The following KLF8 variants were observed in gnomAD, a reference collection of about 807,000 sequenced individuals.
The protein encoded by KLF8 is Krueppel-like factor 8.
In KLF8, 10 loss-of-function variants were observed where a neutral mutation model predicts 18.2. The observed-to-expected ratio is 0.55, with a 90% confidence interval of 0.34 to 0.93. KLF8 has a LOEUF of 0.93. Among genes scored for constraint, KLF8 ranks in the 40% least tolerant of loss-of-function variants. The probability of loss-of-function intolerance (pLI) is 0.02; values close to 1 mark genes in which losing one functional copy is unlikely to be tolerated. For synonymous variants in KLF8, 109 were observed against 97.3 expected (o/e 1.12, Z -0.71); for missense variants, 264 against 277.9 (o/e 0.95, Z 0.36).
the KLF8 span, among the ~76,000 whole-genome samples, chrX:56,186,211 G>T: frequency 9.0e-6 from 1 of 111,279 alleles, no homozygotes; most frequent in Non-Finnish European, 1.9e-5. Flanking sequence ...ACAGAAAAAG[G>T]CAGGGGTTGC....
At chrX:55,959,045 C>T in the KLF8 span, among the ~76,000 whole-genome samples, 1 of 112,101 alleles carries the variant, frequency 8.9e-6, no homozygotes, top group Non-Finnish European at 1.9e-5. Flanking sequence ...GACTGGGAAA[C>T]CCTGGCCCCA....
chrX:56,230,894 G>C (rs1045390039), upstream of KLF8, among the ~76,000 whole-genome samples: 4 of 111,188 alleles, frequency 3.6e-5, no homozygotes, highest in Non-Finnish European at 7.5e-5. Flanking sequence ...GGAAGCAATG[G>C]TCAGTTTTGC....
At chrX:56,123,699 C>T in the KLF8 span, among the ~76,000 whole-genome samples, 2 of 112,000 alleles carry the variant, frequency 1.8e-5, no homozygotes, top group African/African-American at 6.5e-5. Flanking sequence ...TGAAATCTAC[C>T]TAACTCTAAG....
the KLF8 span, among the ~76,000 whole-genome samples, chrX:56,161,204 G>T: frequency 2.7e-4 from 30 of 111,769 alleles, 2 homozygotes; most frequent in Non-Finnish European, 1.7e-4. Flanking sequence ...CTTTAAGAAT[G>T]CTGAATATTG....
intron 5 of KLF8, among the ~76,000 whole-genome samples, chrX:56,280,549 T>G (rs750484398): frequency 8.9e-6 from 1 of 112,339 alleles, no homozygotes; most frequent in Non-Finnish European, 1.9e-5. Context: ...TGTCTTGAGT[T>G]ATTTGTATTT....
the KLF8 span, among the ~76,000 whole-genome samples, chrX:56,096,345 G>A: frequency 1.8e-5 from 2 of 111,240 alleles, no homozygotes; most frequent in South Asian, 3.8e-4. Context: ...TGGGTAATAT[G>A]TACACTGTGG....
At chrX:55,915,369 A>G in the KLF8 span, among the ~76,000 whole-genome samples, 1 of 111,801 alleles carries the variant, frequency 8.9e-6, no homozygotes, top group Admixed American at 9.6e-5. Flanking sequence ...TATTGAACTA[A>G]CTAGTCAGTA....
the KLF8 span, among the ~76,000 whole-genome samples, chrX:56,077,979 C>G: frequency 1.7e-4 from 19 of 111,845 alleles, no homozygotes; most frequent in East Asian, 3.1e-3. Context: ...TGTGATTTTT[C>G]TACATTGCTT....
At chrX:56,260,670 A>T (rs1050844783) in intron 2 of KLF8, among the ~76,000 whole-genome samples, 3 of 111,927 alleles carry the variant, frequency 2.7e-5, no homozygotes, top group Non-Finnish European at 5.6e-5. Context: ...ACCCAAACAG[A>T]TAATGCTCTT....
the KLF8 span, among the ~76,000 whole-genome samples, chrX:56,083,105 T>C: frequency 8.9e-6 from 1 of 111,935 alleles, no homozygotes; most frequent in African/African-American, 3.2e-5. Context: ...CCATTTTCTT[T>C]AGGTAATTTT....
the KLF8 span, among the ~76,000 whole-genome samples, chrX:55,943,998 A>G: frequency 1.1e-4 from 12 of 112,417 alleles, no homozygotes; most frequent in East Asian, 3.1e-3. Flanking sequence ...TTTGATAGAA[A>G]TGTTCCTTCC....
the KLF8 span, among the ~76,000 whole-genome samples, chrX:56,081,552 G>T: frequency 8.9e-6 from 1 of 111,770 alleles, no homozygotes; most frequent in Non-Finnish European, 1.9e-5. Context: ...ACCCTATTTT[G>T]TTCCTGATTT....
At chrX:56,132,469 T>C in the KLF8 span, among the ~76,000 whole-genome samples, 1 of 111,313 alleles carries the variant, frequency 9.0e-6, no homozygotes, top group Non-Finnish European at 1.9e-5. Flanking sequence ...TCACAACCTC[T>C]GGGAAGCAGC....
the KLF8 span, among the ~76,000 whole-genome samples, chrX:55,919,552 C>T: frequency 9.0e-6 from 1 of 111,441 alleles, no homozygotes; most frequent in Non-Finnish European, 1.9e-5. Context: ...GTGAAACCCG[C>T]TTTTAGGATT....
At chrX:56,007,485 C>A in the KLF8 span, among the ~76,000 whole-genome samples, 1 of 111,314 alleles carries the variant, frequency 9.0e-6, no homozygotes, top group Non-Finnish European at 1.9e-5. Flanking sequence ...GTGGTGGGAA[C>A]CTGAACCACT....
chrX:56,145,386 CTG>C, the KLF8 span, among the ~76,000 whole-genome samples: 1 of 112,119 alleles, frequency 8.9e-6, no homozygotes, highest in African/African-American at 3.2e-5. Context: ...CTGTGGAAAA[CTG>C]TGGAAAATAG....
the KLF8 span, among the ~76,000 whole-genome samples, chrX:56,056,566 G>A: frequency 1.5e-4 from 14 of 94,114 alleles, no homozygotes; most frequent in Admixed American, 6.2e-4. Flanking sequence ...ACCAAACACC[G>A]CATATTCTCA....
the KLF8 span, among the ~76,000 whole-genome samples, chrX:56,175,075 G>GT: frequency 0.1 from 11,152 of 110,087 alleles, 582 homozygotes; most frequent in Non-Finnish European, 0.15. Flanking sequence ...TTTTTGAAGG[G>GT]TTTTTTTTGT....
chrX:56,003,973 G>T, the KLF8 span, among the ~76,000 whole-genome samples: 2 of 112,014 alleles, frequency 1.8e-5, no homozygotes, highest in Non-Finnish European at 3.8e-5. Flanking sequence ...TGCTTATCTT[G>T]CTCTGAATAT....
Sources: allele counts gnomAD v4.1 joint callset (sites outside exome capture counted in the v4.1 genomes callset), GRCh38; gene constraint gnomAD v4.1.1; transcripts MANE v1.5; gene names NCBI Gene and HGNC (gene_info 2026-07-23, HGNC 2026-07-21).